CTNNA2: variants seen among roughly 807,000 people sequenced by gnomAD.
The protein encoded by CTNNA2 is catenin alpha 2, also known as catenin alpha-2.
Under a neutral mutation model 101.0 loss-of-function variants are expected in CTNNA2, and 42 were observed. The ratio of observed to expected loss-of-function variants is 0.42; its 90% CI spans 0.32 to 0.54. CTNNA2 has a LOEUF of 0.54. Ranked by LOEUF, CTNNA2 falls within the 20% of genes least tolerant of loss-of-function variation. The pLI is 0.14. For missense variants in CTNNA2, 871 were observed against 1,223.1 expected, an observed-to-expected ratio of 0.71 and a Z score of 4.29; for synonymous variants, 450 against 456.4, an observed-to-expected ratio of 0.99 and a Z score of 0.18.
rs914553384 is a variant in CTNNA2 at position 80,574,228 on chromosome 2, C to T, written c.1807C>T (p.Pro603Ser). ...IEALSANVPQ[P>S]FEENEFIDAS... ...AGCCCTGAGTGCCAACGTTCCTCAA[C>T]CGTTTGAGGAGAATGAGTTCATCGA... The change falls in exon 13 of 19, where the codon CCG (proline) becomes TCG (serine). Residue 603 changes from proline to serine, a missense_variant. By Grantham distance (74) the Pro-to-Ser change is moderately conservative. This residue lies in a region of CTNNA2 where 647 missense variants were observed against 831.5 expected (regional missense o/e 0.78). Coordinates refer to ENST00000402739, the MANE Select transcript of CTNNA2 (RefSeq NM_001282597.3). 3.1e-6 allele frequency: 5 copies of T among 1,613,538 alleles called. No homozygotes were observed. The highest frequency in any genetic ancestry group is 4.2e-6 in the Non-Finnish European group (5 of 1,179,690).
At position 80,584,226 on chromosome 2, in the gene CTNNA2, G is replaced by A. The variant is rs78571865; in HGVS notation, c.2007+2407G>A. Among the ~76,000 whole-genome samples, 560 of 152,182 alleles carry A rather than the reference G, an allele frequency of 3.7e-3. 1 individual carries two copies. Among genetic ancestry groups the A allele is most frequent in the African/African-American group, 0.013 (533 of 41,520 alleles). On this transcript the variant is annotated intron_variant, in intron 14 of 18. Transcript: ENST00000402739. ...CTGCAGCAAGTCCTCCCATGTTAAT[G>A]ATATTACTTTGTGTTCACATTTAGA...
At chr2:80,135,435 C>A (rs1277630388) in intron 7 of CTNNA2, among the ~76,000 whole-genome samples, 1 of 152,120 alleles carries the variant, frequency 6.6e-6, no homozygotes, top group African/African-American at 2.4e-5. Context: ...GGTGGGTAGA[C>A]CAGAAATCAT....
At chr2:80,499,371 A>G (rs1324947061) in intron 9 of CTNNA2, among the ~76,000 whole-genome samples, 1 of 152,124 alleles carries the variant, frequency 6.6e-6, no homozygotes, top group Non-Finnish European at 1.5e-5. Context: ...ACATTATTCA[A>G]GTTTTTAAAA....
At chr2:79,260,625 A>G (rs13393176) in intron 2 of CTNNA2, among the ~76,000 whole-genome samples, 11,523 of 152,180 alleles carry the variant, frequency 0.076, 638 homozygotes, top group African/African-American at 0.15. Flanking sequence ...CGTTATCCCC[A>G]TAGACACCCA....
chr2:80,476,719 C>T (rs944744357), intron 9 of CTNNA2, among the ~76,000 whole-genome samples: 1 of 152,092 alleles, frequency 6.6e-6, no homozygotes, highest in Non-Finnish European at 1.5e-5. Context: ...TGCTTTCTGG[C>T]CTCAGACATA....
intron 3 of CTNNA2, among the ~76,000 whole-genome samples, chr2:79,338,569 C>T (rs1372453170): frequency 2.1e-5 from 1 of 47,234 alleles, no homozygotes; most frequent in African/African-American, 1.0e-4. Flanking sequence ...CTTCTTCTTC[C>T]TCCTCATCAT....
chr2:80,067,007 A>G (rs1007850858), intron 7 of CTNNA2, among the ~76,000 whole-genome samples: 20 of 152,300 alleles, frequency 1.3e-4, no homozygotes, highest in Admixed American at 1.2e-3. Flanking sequence ...ATATTGCACG[A>G]TCTCACTTAT....
At chr2:80,232,988 G>A (rs563220706) in intron 7 of CTNNA2, among the ~76,000 whole-genome samples, 1 of 152,270 alleles carries the variant, frequency 6.6e-6, no homozygotes, top group South Asian at 2.1e-4. Context: ...AAGTGACCAA[G>A]AAAGATCAAT....
At chr2:80,563,554 T>C (rs959806670) in intron 12 of CTNNA2, among the ~76,000 whole-genome samples, 8 of 152,144 alleles carry the variant, frequency 5.3e-5, no homozygotes, top group African/African-American at 1.9e-4. Context: ...TTTAAATTTG[T>C]TTTGTAGAGA....
intron 7 of CTNNA2, among the ~76,000 whole-genome samples, chr2:80,151,107 T>A (rs1272768562): frequency 6.6e-6 from 1 of 152,214 alleles, no homozygotes; most frequent in Non-Finnish European, 1.5e-5. Context: ...TGCCCCACTC[T>A]CCAGGCCTCA....
chr2:79,454,300 T>A (rs1011282570), intron 4 of CTNNA2, among the ~76,000 whole-genome samples: 1 of 152,190 alleles, frequency 6.6e-6, no homozygotes, highest in Non-Finnish European at 1.5e-5. Context: ...GATGTATAAT[T>A]CACAATATAT....
intron 7 of CTNNA2, among the ~76,000 whole-genome samples, chr2:80,276,014 G>C (rs1426361883): frequency 6.6e-6 from 1 of 151,924 alleles, no homozygotes; most frequent in Non-Finnish European, 1.5e-5. Context: ...CTTTATAATG[G>C]AGGGAAATAA....
At chr2:80,580,183 G>GT (rs1695406927) in intron 13 of CTNNA2, among the ~76,000 whole-genome samples, 1 of 152,184 alleles carries the variant, frequency 6.6e-6, no homozygotes, top group Admixed American at 6.5e-5. Context: ...AGAAACCTGC[G>GT]TGAGTTAGTG....
rs71385270 is a variant in CTNNA2 at position 79,393,628 on chromosome 2, G to GAA, written c.-135+19634_-135+19635dup. On this transcript the variant is annotated intron_variant, in intron 4 of 21. Coordinates refer to the CTNNA2 transcript ENST00000466387. ...TAGGATAAAAGAAGATGTTCACAGA[G>GAA]AAAAAAAAAAAAAAAAAAAAGCTGC... Among the ~76,000 whole-genome samples the GAA allele has an allele frequency of 5.0e-3, 448 of 88,932 alleles. 5 individuals are homozygous for GAA. Among genetic ancestry groups the GAA allele is most frequent in the African/African-American group, 8.3e-3 (220 of 26,500 alleles). 58.3% of individuals were successfully genotyped at this position (88,932 alleles called of 152,430 possible). A position where few individuals can be genotyped will look rare whatever the true frequency, so the allele number is the denominator to read the frequency against.
intron 7 of CTNNA2, chr2:80,304,727 C>T (rs889038826): frequency 6.5e-6 from 1 of 152,750 alleles, no homozygotes; most frequent in African/African-American, 2.4e-5. Context: ...CGAGCTTGCA[C>T]AGGCACCTAC....
At chr2:80,508,969 AT>A (rs1302208371) in intron 9 of CTNNA2, among the ~76,000 whole-genome samples, 1 of 151,666 alleles carries the variant, frequency 6.6e-6, no homozygotes, top group Non-Finnish European at 1.5e-5. Flanking sequence ...TATCTTTGTT[AT>A]TTTTTCCATA....
chr2:80,199,701 A>T (rs1422802021), intron 7 of CTNNA2, among the ~76,000 whole-genome samples: 5 of 152,244 alleles, frequency 3.3e-5, no homozygotes, highest in Non-Finnish European at 5.9e-5. Flanking sequence ...CCTCTGTGGA[A>T]GCACAAGGTG....
At chr2:79,315,400 A>G (rs1416062912) in intron 3 of CTNNA2, among the ~76,000 whole-genome samples, 1 of 152,100 alleles carries the variant, frequency 6.6e-6, no homozygotes, top group Non-Finnish European at 1.5e-5. Flanking sequence ...GCAGTCAGTT[A>G]TTTCTCCTCA....
At chr2:80,026,247 G>A (rs1314326913) in intron 7 of CTNNA2, among the ~76,000 whole-genome samples, 1 of 152,214 alleles carries the variant, frequency 6.6e-6, no homozygotes, top group Non-Finnish European at 1.5e-5. Context: ...AGAGAGGCCG[G>A]TATGACTGGA....
Sources: gnomAD v4.1 joint callset for allele counts (sites outside exome capture counted in the v4.1 genomes callset) on GRCh38, gnomAD v4.1.1 for gene constraint, gnomAD v4.1.1 regional missense constraint, MANE v1.5 for transcripts, NCBI Gene and HGNC (gene_info 2026-07-23, HGNC 2026-07-21) for gene names.